FRMD3: variants seen among roughly 807,000 people sequenced by gnomAD.
FRMD3 encodes the protein FERM domain-containing protein 3.
FRMD3 carries 33 observed loss-of-function variants against 70.2 expected under a neutral mutation model. The ratio of observed to expected loss-of-function variants is 0.47; its 90% CI spans 0.36 to 0.63. The LOEUF (loss-of-function observed/expected upper bound fraction) is 0.63. FRMD3 is among the 20% of genes least tolerant of loss of function. The pLI, the probability that FRMD3 is intolerant of heterozygous loss-of-function variation, is 0.00. For missense variants in FRMD3, 632 were observed against 711.4 expected, an observed-to-expected ratio of 0.89 and a Z score of 1.27; for synonymous variants, 279 against 255.9, an observed-to-expected ratio of 1.09 and a Z score of -0.86.
At chr9:83,272,538 A>C (rs991397107) in intron 13 of FRMD3, among the ~76,000 whole-genome samples, 7 of 152,190 alleles carry the variant, frequency 4.6e-5, no homozygotes, top group African/African-American at 1.7e-4. Context: ...CCCCTCTGGG[A>C]AGTGAGGAGC....
At chr9:83,352,189 A>T (rs1212468315) in intron 3 of FRMD3, among the ~76,000 whole-genome samples, 1 of 152,204 alleles carries the variant, frequency 6.6e-6, no homozygotes, top group South Asian at 2.1e-4. Flanking sequence ...ACAGATCGCT[A>T]TATGCTTGTA....
chr9:83,398,074 T>G (rs1417639980), intron 1 of FRMD3, among the ~76,000 whole-genome samples: 1 of 152,206 alleles, frequency 6.6e-6, no homozygotes, highest in Non-Finnish European at 1.5e-5. Context: ...TAAGAAAGAT[T>G]GTAGCTTGAT....
the FRMD3 span, among the ~76,000 whole-genome samples, chr9:83,546,604 C>G: frequency 2.6e-4 from 40 of 152,196 alleles, no homozygotes; most frequent in Non-Finnish European, 5.0e-4. Context: ...ACAGTTGAGA[C>G]TACAAAGCAA....
At chr9:83,423,633 A>T (rs147263046) in intron 1 of FRMD3, among the ~76,000 whole-genome samples, 87 of 106,424 alleles carry the variant, frequency 8.2e-4, no homozygotes, top group African/African-American at 3.1e-3. Flanking sequence ...TTTCGCTTGC[A>T]TCGCTCAGGC....
intron 6 of FRMD3, among the ~76,000 whole-genome samples, chr9:83,324,828 T>C (rs1587725886): frequency 1.3e-5 from 2 of 152,336 alleles, no homozygotes; most frequent in Middle Eastern, 6.8e-3. Context: ...CAATTGGCAT[T>C]TGCCCTCACT....
At chr9:83,466,007 A>G (rs989254857) in intron 1 of FRMD3, among the ~76,000 whole-genome samples, 4 of 152,224 alleles carry the variant, frequency 2.6e-5, no homozygotes, top group African/African-American at 9.6e-5. Flanking sequence ...GAATTTCCTC[A>G]TCTCCGTTCA....
chr9:83,516,319 A>G (rs916802585), intron 1 of FRMD3, among the ~76,000 whole-genome samples: 9 of 152,298 alleles, frequency 5.9e-5, no homozygotes, highest in African/African-American at 2.2e-4. Flanking sequence ...AGGGGTTGCA[A>G]TCCTAGTCTC....
chr9:83,543,482 T>C (rs551694346), upstream of FRMD3, among the ~76,000 whole-genome samples: 6 of 152,194 alleles, frequency 3.9e-5, no homozygotes, highest in African/African-American at 1.2e-4. Flanking sequence ...ACCCCCAAAT[T>C]TGAGCTATGG....
chr9:83,535,753 A>G (rs1829878949), intron 1 of FRMD3, among the ~76,000 whole-genome samples: 1 of 152,142 alleles, frequency 6.6e-6, no homozygotes, highest in Non-Finnish European at 1.5e-5. Context: ...CCAGGCAGAC[A>G]CCAGGGATGA....
At chr9:83,280,970 C>G (rs1304711372) in intron 13 of FRMD3, among the ~76,000 whole-genome samples, 1 of 152,180 alleles carries the variant, frequency 6.6e-6, no homozygotes, top group Non-Finnish European at 1.5e-5. Context: ...CTTGAGCCAG[C>G]TGACCAGAGC....
intron 1 of FRMD3, among the ~76,000 whole-genome samples, chr9:83,512,570 C>T (rs976344836): frequency 3.3e-5 from 5 of 152,178 alleles, no homozygotes; most frequent in Non-Finnish European, 7.3e-5. Flanking sequence ...GCGGAAATGA[C>T]CGTAGGGACT....
At chr9:83,463,914 T>A (rs114602979) in intron 1 of FRMD3, among the ~76,000 whole-genome samples, 357 of 152,362 alleles carry the variant, frequency 2.3e-3, no homozygotes, top group African/African-American at 7.6e-3. Context: ...CACCTCTTCC[T>A]GGTCACTACA....
intron 1 of FRMD3, among the ~76,000 whole-genome samples, chr9:83,425,346 G>A (rs1478372361): frequency 6.6e-6 from 1 of 152,174 alleles, no homozygotes. Flanking sequence ...ACTGGTATGA[G>A]CATGTTCTCA....
chr9:83,268,595 T>A (rs555423079), intron 13 of FRMD3, among the ~76,000 whole-genome samples: 9 of 152,210 alleles, frequency 5.9e-5, no homozygotes, highest in Non-Finnish European at 7.3e-5. Flanking sequence ...GAGAAAATGC[T>A]TGCAATATAC....
intron 2 of FRMD3, among the ~76,000 whole-genome samples, chr9:83,383,096 G>A (rs551924808): frequency 1.3e-5 from 2 of 152,260 alleles, no homozygotes; most frequent in South Asian, 4.1e-4. Flanking sequence ...TACATCAGAG[G>A]GAGAGGACCC....
intron 13 of FRMD3, chr9:83,281,558 G>A (rs1833971548): frequency 6.6e-6 from 1 of 152,178 alleles, no homozygotes; most frequent in African/African-American, 2.4e-5. Context: ...ACCTGAACAG[G>A]AGGAATGATT....
In FRMD3 at chr9:83,454,763, C is replaced by T. The variant is rs1411806630; in HGVS notation, c.148-65055G>A. 2.0e-5 allele frequency among the ~76,000 whole-genome samples: 3 copies of T among 152,322 alleles called. No individual in the cohort carries two copies. In the East Asian group the frequency reaches 5.8e-4, roughly 29 times the overall value. On this transcript the variant is annotated intron_variant, in intron 1 of 13. Transcript: ENST00000304195. ...AACCCACCAGCCACCACTTCAGTAG[C>T]TTGCAGGGCTTTTATGCCTGTCTAT...
intron 8 of FRMD3, among the ~76,000 whole-genome samples, chr9:83,311,300 A>AC (rs1225696324): frequency 6.6e-6 from 1 of 152,050 alleles, no homozygotes; most frequent in African/African-American, 2.4e-5. Context: ...AAAAAAAAAA[A>AC]AAAACAGAGA....
intron 1 of FRMD3, among the ~76,000 whole-genome samples, chr9:83,409,526 T>C (rs1384344939): frequency 6.6e-6 from 1 of 152,164 alleles, no homozygotes; most frequent in African/African-American, 2.4e-5. Flanking sequence ...CAAAAACTTT[T>C]GAAAAAGAAT....
Sources: allele counts gnomAD v4.1 joint callset (sites outside exome capture counted in the v4.1 genomes callset), GRCh38; gene constraint gnomAD v4.1.1; transcripts MANE v1.5; gene names NCBI Gene and HGNC (gene_info 2026-07-23, HGNC 2026-07-21).